The following ATP13A5 variants were observed in gnomAD, a reference collection of about 807,000 sequenced individuals.
ATP13A5 encodes the protein ATPase 13A5.
Under a neutral mutation model 150.2 loss-of-function variants are expected in ATP13A5, and 149 were observed. That is an observed-to-expected ratio of 0.99 (90% CI 0.87 to 1.14). The LOEUF is 1.14. Among genes scored for constraint, ATP13A5 ranks in the 50% most tolerant of loss-of-function variants. ATP13A5 has a pLI of 0.00. For missense variants in ATP13A5, 1,383 were observed against 1,449.3 expected, an observed-to-expected ratio of 0.95 and a Z score of 0.74; for synonymous variants, 497 against 522.2, an observed-to-expected ratio of 0.95 and a Z score of 0.66.
At chr3:193,377,292 G>C (rs1236964026) in intron 1 of ATP13A5, among the ~76,000 whole-genome samples, 1 of 152,162 alleles carries the variant, frequency 6.6e-6, no homozygotes, top group Admixed American at 6.5e-5. Context: ...CTGTGCTATT[G>C]TCAAGCTTAG....
intron 27 of ATP13A5, among the ~76,000 whole-genome samples, chr3:193,280,792 T>C (rs1257157946): frequency 2.0e-5 from 3 of 152,194 alleles, no homozygotes; most frequent in African/African-American, 7.2e-5. Flanking sequence ...ATGATACAAA[T>C]GATTCTGACA....
intron 2 of ATP13A5, 76 bp downstream of exon 2, chr3:193,364,031 C>T: frequency 6.9e-7 from 1 of 1,444,640 alleles, no homozygotes; most frequent in Non-Finnish European, 9.5e-7. Context: ...ATAATACCAG[C>T]CACAGAGTTA....
At position 193,275,231 on chromosome 3, in the gene ATP13A5, T is replaced by C. The variant is rs375669588; in HGVS notation, c.3468A>G (p.Gln1156=). ...KREFGFYSKS[Q]YRTWQKKLAE... ...CTAGCTTCTTTTGCCAAGTCCTATA[T>C]TGACTTTTAGAGTAGAATCCAAATT... is the stretch of plus-strand genomic sequence containing the variant. Residue 1156 remains glutamine (Q), a synonymous_variant, in exon 30 of 30, where the codon CAA becomes CAG. Coordinates refer to ENST00000342358, the MANE Select transcript of ATP13A5 (RefSeq NM_198505.4). 13 of 1,614,074 alleles carry C rather than the reference T, an allele frequency of 8.1e-6. No individual in the cohort carries two copies. The highest frequency in any genetic ancestry group is 3.3e-5 in the Admixed American group (2 of 60,010).
chr3:193,356,138 C>T (rs1712778026), intron 5 of ATP13A5, among the ~76,000 whole-genome samples: 2 of 152,136 alleles, frequency 1.3e-5, no homozygotes, highest in Admixed American at 6.5e-5. Flanking sequence ...ACTGGGCTTT[C>T]CCTAACAATG....
At position 193,333,963 on chromosome 3, in the gene ATP13A5, T is replaced by C. The variant is rs190173563; in HGVS notation, c.1115-56A>G. 2.6e-6 allele frequency: 4 copies of C among 1,533,554 alleles called. No homozygotes were observed. In the African/African-American group the frequency reaches 5.5e-5, roughly 21 times the overall value. The allele number at this position is 1,533,554 out of a possible 1,614,324, so 95.0% of individuals were successfully genotyped here. ...GCTGCTTGATGGACACTTGGTCTCC[T>C]AAAAATGGCTTTACTGTCTTTGAGG... On this transcript the variant is annotated intron_variant, in intron 10 of 29. Coordinates refer to ENST00000342358, the MANE Select transcript of ATP13A5 (RefSeq NM_198505.4).
chr3:193,305,445 T>A, intron 23 of ATP13A5, 114 bp downstream of exon 23: 1 of 868,280 alleles, frequency 1.2e-6, no homozygotes, highest in South Asian at 1.5e-5. Flanking sequence ...CAATAGCACT[T>A]CACCCATTCC....
At chr3:193,369,864 T>C (rs953227404) in intron 1 of ATP13A5, among the ~76,000 whole-genome samples, 6 of 151,882 alleles carry the variant, frequency 4.0e-5, no homozygotes, top group Non-Finnish European at 8.8e-5. Flanking sequence ...TAAAGAGAGG[T>C]GTAAGGTGTT....
chr3:193,286,714 G>A (rs1254055224), intron 26 of ATP13A5, among the ~76,000 whole-genome samples: 2 of 152,054 alleles, frequency 1.3e-5, no homozygotes, highest in African/African-American at 4.8e-5. Context: ...ATCGAAATCT[G>A]TTCAATTAAT....
At chr3:193,303,058 A>T (rs1173232827) in intron 23 of ATP13A5, among the ~76,000 whole-genome samples, 2 of 152,182 alleles carry the variant, frequency 1.3e-5, no homozygotes, top group Admixed American at 6.5e-5. Flanking sequence ...TGCATGTTGA[A>T]TGGATCAAGT....
intron 1 of ATP13A5, among the ~76,000 whole-genome samples, chr3:193,377,504 C>A (rs186742480): frequency 1.7e-4 from 26 of 152,194 alleles, no homozygotes; most frequent in South Asian, 1.0e-3. Context: ...AAATCTGGTG[C>A]GTATTTTACA....
chr3:193,344,702 C>A (rs1712262569), intron 8 of ATP13A5, among the ~76,000 whole-genome samples: 1 of 152,092 alleles, frequency 6.6e-6, no homozygotes, highest in African/African-American at 2.4e-5. Context: ...TTTGAAGGAA[C>A]CCAGACATTG....
At position 193,314,969 on chromosome 3, in the gene ATP13A5, T is replaced by A. The variant is rs200862672; in HGVS notation, c.2158+3A>T. On this transcript the variant is annotated splice_donor_region_variant and intron_variant, in intron 18 of 29. Transcript: ENST00000342358. ...TGCCAGGCCCCTAGAAACAAATACA[T>A]ACCTGTAATCATCACAGTCCTGATA... 2.1e-4 allele frequency: 346 copies of A among 1,613,222 alleles called. 1 individual carries two copies. The Admixed American group carries it at 5.5e-3, about 26-fold the overall frequency.
intron 9 of ATP13A5, among the ~76,000 whole-genome samples, chr3:193,342,576 A>C (rs796633199): frequency 6.6e-5 from 10 of 152,300 alleles, no homozygotes; most frequent in African/African-American, 2.4e-4. Flanking sequence ...GCCACTTGTC[A>C]TTTAAGGTTA....
At chr3:193,314,222 T>C in intron 18 of ATP13A5, 29 bp from the exon 19 acceptor site, 1 of 1,609,812 alleles carries the variant, frequency 6.2e-7, no homozygotes, top group Non-Finnish European at 8.5e-7. Flanking sequence ...TTGCTTGCTG[T>C]ATGTACAAAC....
chr3:193,345,269 T>G (rs1006043961), intron 7 of ATP13A5, among the ~76,000 whole-genome samples, 194 bp from the exon 8 acceptor site: 1 of 152,178 alleles, frequency 6.6e-6, no homozygotes, highest in Non-Finnish European at 1.5e-5. Context: ...GCAGCAAATA[T>G]GCTTATTAGT....
chr3:193,334,045 G>T, intron 10 of ATP13A5, 138 bp from the exon 11 acceptor site: 1 of 773,818 alleles, frequency 1.3e-6, no homozygotes, highest in Non-Finnish European at 2.0e-6. Context: ...TTTTCAGGTG[G>T]TTTTCATGAT....
intron 9 of ATP13A5, among the ~76,000 whole-genome samples, chr3:193,343,090 GGATA>G (rs1311189725): frequency 6.6e-6 from 1 of 151,936 alleles, no homozygotes; most frequent in African/African-American, 2.4e-5. Flanking sequence ...AACAATTTAG[GGATA>G]GATAATGAAC....
intron 2 of ATP13A5, among the ~76,000 whole-genome samples, 171 bp from the exon 3 acceptor site, chr3:193,363,553 TA>T (rs1713122950): frequency 6.6e-6 from 1 of 152,190 alleles, no homozygotes; most frequent in Admixed American, 6.5e-5. Flanking sequence ...CCTACTGAAT[TA>T]AAAACTCTGG....
At position 193,333,942 on chromosome 3, in the gene ATP13A5, C is replaced by T. The variant is rs112125214; in HGVS notation, c.1115-35G>A. 1.3e-4 allele frequency: 204 copies of T among 1,586,798 alleles called. 2 individuals carry two copies. The African/African-American group carries it at 2.2e-3, about 17-fold the overall frequency. On this transcript the variant is annotated intron_variant, in intron 10 of 29. Coordinates refer to ENST00000342358, the MANE Select transcript of ATP13A5 (RefSeq NM_198505.4). Reference sequence around the variant, plus strand: ...GATAATCATAGATCAAGTAAGGCTGCTTGATGGACACTTGGTCTCCTAAAA... The same window carrying T: ...GATAATCATAGATCAAGTAAGGCTGTTTGATGGACACTTGGTCTCCTAAAA...
Sources: gnomAD v4.1 joint callset for allele counts (sites outside exome capture counted in the v4.1 genomes callset) on GRCh38, gnomAD v4.1.1 for gene constraint, MANE v1.5 for transcripts, NCBI Gene and HGNC (gene_info 2026-07-23, HGNC 2026-07-21) for gene names.